Variants in PRDM16 observed in about 807,000 individuals in gnomAD.
PRDM16 encodes histone-lysine N-methyltransferase PRDM16.
Under a neutral mutation model 110.6 loss-of-function variants are expected in PRDM16, and 23 were observed. The ratio of observed to expected loss-of-function variants is 0.21; its 90% CI spans 0.15 to 0.29. PRDM16 has a LOEUF of 0.29. PRDM16 is among the 10% of genes least tolerant of loss of function. PRDM16 has a pLI of 1.00. For synonymous variants in PRDM16, 799 were observed against 781.8 expected, an observed-to-expected ratio of 1.02 and a Z score of -0.37; for missense variants, 1,615 against 1,794.3, an observed-to-expected ratio of 0.90 and a Z score of 1.81.
At position 3,432,502 on chromosome 1, in the gene PRDM16, C is replaced by T. The variant is rs141308088; in HGVS notation, c.3696+362C>T. ...ATCTGGGCCCCAGTGGCCTGCAGCC[C>T]GGGCTTTTCCCGGGGGAAGAGCTGT... On this transcript the variant is annotated intron_variant, in intron 16 of 16. Transcript: ENST00000270722. 4.8e-3 allele frequency among the ~76,000 whole-genome samples: 725 copies of T among 152,312 alleles called. 4 individuals are homozygous for T. Among genetic ancestry groups the T allele is most frequent in the African/African-American group, 0.016 (678 of 41,572 alleles).
chr1:3,414,428 C>T (rs372369746), intron 9 of PRDM16, 132 bp from the exon 10 acceptor site: 14 of 674,476 alleles, frequency 2.1e-5, no homozygotes, highest in African/African-American at 1.4e-4. Flanking sequence ...GGGGCAGCCA[C>T]GGCGAGGTCC....
rs1379143893 is a variant in PRDM16, at chr1:3,144,074, A to ACT, written c.38-42048_38-42047dup. On this transcript the variant is annotated intron_variant, in intron 1 of 16. Coordinates refer to ENST00000270722, the MANE Select transcript of PRDM16 (RefSeq NM_022114.4). ...ATTTCCTCTCTGGCCCCCTCCCATG[A>ACT]CTCTACAGGCCTGTGCAGACCCCAG... Among the ~76,000 whole-genome samples the ACT allele has an allele frequency of 2.0e-5, 3 of 151,784 alleles. No homozygotes were observed. The South Asian group carries it at 6.2e-4, about 32-fold the overall frequency.
chr1:3,403,717 G>T (rs1299496717), intron 6 of PRDM16, among the ~76,000 whole-genome samples: 5 of 152,230 alleles, frequency 3.3e-5, no homozygotes, highest in Non-Finnish European at 7.3e-5. Flanking sequence ...GTGAAACCAG[G>T]ACATTCAGTC....
chr1:3,181,359 C>T (rs201689026), intron 1 of PRDM16, among the ~76,000 whole-genome samples: 4 of 42,126 alleles, frequency 9.5e-5, no homozygotes, highest in Non-Finnish European at 1.7e-4. Context: ...GTCTTACACA[C>T]GGTCTTACAC....
intron 2 of PRDM16, among the ~76,000 whole-genome samples, chr1:3,189,679 G>A (rs545260687): frequency 4.0e-4 from 61 of 152,300 alleles, no homozygotes; most frequent in Non-Finnish European, 6.8e-4. Flanking sequence ...AAGAAGGATC[G>A]GTGTCATTTT....
In PRDM16 at chr1:3,306,365, A is replaced by G. The variant is rs570025659; in HGVS notation, c.438+62228A>G. 2.7e-4 allele frequency among the ~76,000 whole-genome samples: 41 copies of G among 152,284 alleles called. No individual in the cohort carries two copies. The South Asian group carries it at 4.6e-3, about 17-fold the overall frequency. On this transcript the variant is annotated intron_variant, in intron 3 of 16. Transcript: ENST00000270722. ...AAGACACAGGGTGCACATGTTAGAAATTTTCCATATAAAAAAGCAAGGGGC... is the reference window on the plus strand; with the variant it reads ...AAGACACAGGGTGCACATGTTAGAAGTTTTCCATATAAAAAAGCAAGGGGC...
At chr1:3,184,159 C>T (rs1357101280) in intron 1 of PRDM16, among the ~76,000 whole-genome samples, 1 of 152,164 alleles carries the variant, frequency 6.6e-6, no homozygotes, top group African/African-American at 2.4e-5. Context: ...TTAGAAAGGA[C>T]CCGTTGGCCA....
At chr1:3,082,437 G>A (rs1248001612) in intron 1 of PRDM16, among the ~76,000 whole-genome samples, 1 of 152,216 alleles carries the variant, frequency 6.6e-6, no homozygotes, top group Non-Finnish European at 1.5e-5. Context: ...GGAAACCCAG[G>A]GTGAGGGACC....
At chr1:3,321,409 A>G (rs1641741644) in intron 3 of PRDM16, among the ~76,000 whole-genome samples, 2 of 147,050 alleles carry the variant, frequency 1.4e-5, no homozygotes, top group African/African-American at 2.5e-5. Context: ...TGCATTTGTG[A>G]GTGTATGCAT....
chr1:3,229,180 G>A (rs1305004076), intron 2 of PRDM16, among the ~76,000 whole-genome samples: 1 of 152,190 alleles, frequency 6.6e-6, no homozygotes, highest in Non-Finnish European at 1.5e-5. Flanking sequence ...GTCATGGCGA[G>A]AGGAAGGCGC....
intron 1 of PRDM16, among the ~76,000 whole-genome samples, chr1:3,144,234 G>A (rs1036122986): frequency 2.6e-5 from 4 of 152,132 alleles, no homozygotes; most frequent in Admixed American, 6.5e-5. Flanking sequence ...ATGGGGGCCC[G>A]GCCCCACAGG....
At chr1:3,125,747 G>A (rs1175144850) in intron 1 of PRDM16, among the ~76,000 whole-genome samples, 1 of 152,346 alleles carries the variant, frequency 6.6e-6, no homozygotes, top group South Asian at 2.1e-4. Flanking sequence ...TTTGGTCTGC[G>A]CGGGGGGCAC....
intron 2 of PRDM16, among the ~76,000 whole-genome samples, chr1:3,233,171 G>A (rs1330731119): frequency 1.3e-5 from 2 of 152,234 alleles, no homozygotes; most frequent in African/African-American, 2.4e-5. Flanking sequence ...GTGCCAGTGA[G>A]GGAGCCTCCA....
chr1:3,422,234 G>A (rs1388356240), intron 12 of PRDM16, among the ~76,000 whole-genome samples: 1 of 149,590 alleles, frequency 6.7e-6, no homozygotes, highest in Non-Finnish European at 1.5e-5. Context: ...AGACAGGCAG[G>A]GCAGACAGGC....
intron 1 of PRDM16, among the ~76,000 whole-genome samples, chr1:3,179,395 C>G (rs1047070648): frequency 7.2e-5 from 11 of 152,226 alleles, no homozygotes; most frequent in Non-Finnish European, 1.6e-4. Context: ...GGCTCCTTCA[C>G]CCCCCTGTGC....
At chr1:3,095,814 G>A (rs1001759948) in intron 1 of PRDM16, among the ~76,000 whole-genome samples, 1 of 152,028 alleles carries the variant, frequency 6.6e-6, no homozygotes, top group African/African-American at 2.4e-5. Context: ...GAATGCCCTG[G>A]GGGCTGCTTG....
At chr1:3,181,170 A>G (rs1343274192) in intron 1 of PRDM16, among the ~76,000 whole-genome samples, 1 of 50,582 alleles carries the variant, frequency 2.0e-5, no homozygotes, top group Non-Finnish European at 4.5e-5. Context: ...ACGCGGTCTT[A>G]CGGTCTTACA....
chr1:3,321,444 G>A (rs1479889196), intron 3 of PRDM16, among the ~76,000 whole-genome samples: 2 of 151,478 alleles, frequency 1.3e-5, no homozygotes, highest in African/African-American at 4.8e-5. Context: ...ACATGTGTTT[G>A]TGTTTGTGGG....
chr1:3,435,255 TC>T lies in PRDM16; in HGVS notation c.*1445del, dbSNP rs1638875082. On this transcript the variant is annotated 3_prime_UTR_variant, in exon 17 of 17. Transcript: ENST00000270722. Reference sequence around the variant, plus strand: ...GTAATTTTTTCTAATTCATTTCTTTTCTTATTTTATTTCCTCCTTAACAGTA... The same window carrying T: ...GTAATTTTTTCTAATTCATTTCTTTTTTATTTTATTTCCTCCTTAACAGTA... The T allele has an allele frequency of 4.5e-6, 1 of 222,216 alleles. No individual in the cohort carries two copies. Among genetic ancestry groups the T allele is most frequent in the Non-Finnish European group, 9.0e-6 (1 of 111,236 alleles). The allele number at this position is 222,216 out of a possible 1,614,324, so 13.8% of individuals were successfully genotyped here. A position where few individuals can be genotyped will look rare whatever the true frequency, so the allele number is the denominator to read the frequency against.
Sources: allele counts gnomAD v4.1 joint callset (sites outside exome capture counted in the v4.1 genomes callset), GRCh38; gene constraint gnomAD v4.1.1; transcripts MANE v1.5; gene names NCBI Gene and HGNC (gene_info 2026-07-23, HGNC 2026-07-21).